The following PECAM1 variants were observed in gnomAD, a reference collection of about 807,000 sequenced individuals.
PECAM1 encodes the protein platelet and endothelial cell adhesion molecule 1.
PECAM1 carries 8 observed loss-of-function variants against 13.8 expected under a neutral mutation model. That is an observed-to-expected ratio of 0.58 (90% CI 0.34 to 1.05). The LOEUF is 1.05. Among genes scored for constraint, PECAM1 ranks in the 50% least tolerant of loss-of-function variants. The pLI, the probability that PECAM1 is intolerant of heterozygous loss-of-function variation, is 0.03. For missense variants in PECAM1, 304 were observed against 141.2 expected (o/e 2.15, Z -5.84); for synonymous variants, 136 against 52.6 (o/e 2.58, Z -6.86).
intron 14 of PECAM1, among the ~76,000 whole-genome samples, chr17:64,335,824 A>C (rs1343282914): frequency 2.0e-5 from 3 of 152,246 alleles, no homozygotes; most frequent in Non-Finnish European, 4.4e-5. Flanking sequence ...CCCAACCGCA[A>C]GATAATTAGA....
chr17:64,390,015 T>C (rs1322471109), intron 2 of PECAM1: 1 of 150,024 alleles, frequency 6.7e-6, no homozygotes, highest in Non-Finnish European at 1.5e-5. Context: ...ACCACTGCAC[T>C]CCAGCCTGGG....
intron 6 of PECAM1, among the ~76,000 whole-genome samples, chr17:64,361,582 C>T (rs2035981427): frequency 1.3e-5 from 2 of 151,598 alleles, no homozygotes; most frequent in East Asian, 2.0e-4. Context: ...AGAGAAACCC[C>T]GTCTCTACTG....
At chr17:64,359,599 TATC>T (rs2035926003) in intron 7 of PECAM1, among the ~76,000 whole-genome samples, 1 of 152,158 alleles carries the variant, frequency 6.6e-6, no homozygotes, top group Admixed American at 6.6e-5. Flanking sequence ...CTTTCATGCT[TATC>T]ATATTTTAGC....
chr17:64,344,808 C>G (rs1443949061), intron 13 of PECAM1, among the ~76,000 whole-genome samples: 1 of 152,042 alleles, frequency 6.6e-6, no homozygotes, highest in Non-Finnish European at 1.5e-5. Flanking sequence ...CTAGAAAACT[C>G]AAATTGAATT....
At position 64,390,818 on chromosome 17, in the gene PECAM1, G is replaced by A. The variant is rs944751340; in HGVS notation, c.-153C>T. Reference sequence around the variant, plus strand: ...TTCTCCCGGCGCCTGCAGAGAGACCGGCTGTGGCGCTGGTCAGGTAATGGC... The same window carrying A: ...TTCTCCCGGCGCCTGCAGAGAGACCAGCTGTGGCGCTGGTCAGGTAATGGC... On this transcript the variant is annotated 5_prime_UTR_variant, in exon 1 of 16. Transcript: ENST00000563924. 7 of 397,436 alleles carry A rather than the reference G, an allele frequency of 1.8e-5. No homozygotes were observed. The highest frequency in any genetic ancestry group is 6.2e-4 in the Middle Eastern group (1 of 1,606). 24.6% of individuals were successfully genotyped at this position (397,436 alleles called of 1,614,324 possible). A position where few individuals can be genotyped will look rare whatever the true frequency, so the allele number is the denominator to read the frequency against.
At chr17:64,366,138 AC>A in intron 5 of PECAM1, among the ~76,000 whole-genome samples, 1 of 140,176 alleles carries the variant, frequency 7.1e-6, no homozygotes, top group Non-Finnish European at 1.6e-5. Flanking sequence ...AAAAAAACAA[AC>A]AACCCCATCA....
chr17:64,378,169 T>G (rs1231119419), intron 2 of PECAM1, 52 bp from the exon 3 acceptor site: 2 of 447,402 alleles, frequency 4.5e-6, no homozygotes, highest in Non-Finnish European at 8.1e-6. Context: ...AGAAACAACA[T>G]CATCCCGGTG....
chr17:64,321,397 A>G lies in PECAM1; in HGVS notation c.*2419T>C. ...CTTTTAGCCATTAAATCCACTAAGA[A>G]AGATCCCTGCGCATGAAGTTTCCTC... is the stretch of plus-strand genomic sequence containing the variant. On this transcript the variant is annotated 3_prime_UTR_variant, in exon 16 of 16. Transcript: ENST00000563924. 1.0e-6 allele frequency: 1 copy of G among 982,334 alleles called. No homozygotes were observed. Among genetic ancestry groups the G allele is most frequent in the South Asian group, 4.7e-5 (1 of 21,462 alleles). The allele number at this position is 982,334 out of a possible 1,614,324, so 60.9% of individuals were successfully genotyped here.
intron 12 of PECAM1, 38 bp from the exon 13 acceptor site, chr17:64,348,360 G>A: frequency 2.1e-6 from 1 of 473,190 alleles, no homozygotes; most frequent in South Asian, 6.7e-5. Context: ...TGTTTAGGTG[G>A]AATCTCTTGT....
chr17:64,380,884 G>A (rs1228188052), intron 2 of PECAM1, among the ~76,000 whole-genome samples: 1 of 152,174 alleles, frequency 6.6e-6, no homozygotes, highest in Non-Finnish European at 1.5e-5. Context: ...CTACTTGGGA[G>A]GCTGAGGCAG....
intron 12 of PECAM1, 83 bp from the exon 13 acceptor site, chr17:64,348,405 TTC>T: frequency 2.2e-5 from 9 of 413,594 alleles, no homozygotes; most frequent in Admixed American, 1.6e-4. Context: ...AGACTTTCTT[TTC>T]TTTTTTTTTT....
intron 10 of PECAM1, among the ~76,000 whole-genome samples, chr17:64,352,780 G>A (rs1456459896): frequency 3.3e-5 from 5 of 151,732 alleles, no homozygotes; most frequent in African/African-American, 1.2e-4. Flanking sequence ...TCAGCCTCCC[G>A]AGTAGCTGGG....
chr17:64,325,167 T>TCC, intron 15 of PECAM1, among the ~76,000 whole-genome samples: 2 of 152,052 alleles, frequency 1.3e-5, no homozygotes, highest in East Asian at 3.9e-4. Flanking sequence ...GGCGGGTGGA[T>TCC]CATGAGGTCA....
chr17:64,344,695 G>A (rs1200104686), intron 13 of PECAM1, among the ~76,000 whole-genome samples: 1 of 152,146 alleles, frequency 6.6e-6, no homozygotes, highest in East Asian at 1.9e-4. Context: ...TTTCGTACCT[G>A]GTAATACCTG....
chr17:64,327,165 G>A (rs75764308), intron 15 of PECAM1, among the ~76,000 whole-genome samples: 4,806 of 152,304 alleles, frequency 0.032, 95 homozygotes, highest in East Asian at 0.072. Flanking sequence ...GTAAGCAACT[G>A]CTACATTCTC....
At chr17:64,362,176 G>A (rs2035997975) in intron 6 of PECAM1, among the ~76,000 whole-genome samples, 1 of 152,214 alleles carries the variant, frequency 6.6e-6, no homozygotes, top group African/African-American at 2.4e-5. Context: ...GCTAGTTAGA[G>A]ATGCAGAACC....
chr17:64,338,164 CA>C (rs1252430620), intron 14 of PECAM1, among the ~76,000 whole-genome samples: 1 of 151,644 alleles, frequency 6.6e-6, no homozygotes, highest in Non-Finnish European at 1.5e-5. Context: ...GTCTCCTGAG[CA>C]GCTGGGACTA....
At position 64,322,917 on chromosome 17, in the gene PECAM1, GGCT is replaced by G. The variant is rs1366961288; in HGVS notation, c.*896_*898del. On this transcript the variant is annotated 3_prime_UTR_variant, in exon 16 of 16. Coordinates refer to ENST00000563924, the MANE Select transcript of PECAM1 (RefSeq NM_000442.5). ...TTTTAGTAGAGACAGGGTTTCATCA[GGCT>G]GGTCTCAAACTCCTGACCTCAGGTG... 2 of 409,410 alleles carry G rather than the reference GGCT, an allele frequency of 4.9e-6. No individual in the cohort carries two copies. The highest frequency in any genetic ancestry group is 6.6e-6 in the Non-Finnish European group (2 of 303,600). The allele number at this position is 409,410 out of a possible 1,614,324, so 25.4% of individuals were successfully genotyped here. A position where few individuals can be genotyped will look rare whatever the true frequency, so the allele number is the denominator to read the frequency against.
intron 2 of PECAM1, among the ~76,000 whole-genome samples, chr17:64,379,790 G>A (rs916206162): frequency 4.0e-5 from 6 of 151,868 alleles, no homozygotes; most frequent in African/African-American, 7.3e-5. Flanking sequence ...TTGGGAGGCC[G>A]AGGCAGGAGG....
Sources: gnomAD v4.1 joint callset for allele counts (sites outside exome capture counted in the v4.1 genomes callset) on GRCh38, gnomAD v4.1.1 for gene constraint, MANE v1.5 for transcripts, NCBI Gene and HGNC (gene_info 2026-07-23, HGNC 2026-07-21) for gene names.